ZNF7: variants seen among roughly 807,000 people sequenced by gnomAD.
The protein encoded by ZNF7 is zinc finger protein 7.
A neutral mutation model predicts 12.0 loss-of-function variants in ZNF7; 10 were observed. The observed-to-expected ratio is 0.83, with a 90% CI of 0.51 to 1.42. The LOEUF is 1.42. Among genes scored for constraint, ZNF7 ranks in the 40% most tolerant of loss-of-function variants. The pLI is 0.00. For missense variants in ZNF7, 854 were observed against 837.2 expected, an observed-to-expected ratio of 1.02 and a Z score of -0.25; for synonymous variants, 334 against 295.0, an observed-to-expected ratio of 1.13 and a Z score of -1.35.
rs752370306 is a variant in ZNF7, at chr8:144,842,621, C to G, written c.1514C>G (p.Ala505Gly). The G allele has an allele frequency of 1.9e-6, 3 of 1,614,186 alleles. No homozygotes were observed. The highest frequency in any genetic ancestry group is 1.7e-6 in the Non-Finnish European group (2 of 1,180,040). The change falls in exon 5 of 5, where the codon GCC becomes GGC. Residue 505 changes from alanine to glycine, a missense_variant. Physicochemically the swap from Ala to Gly is moderately conservative, Grantham distance 60 (BLOSUM62 0). Transcript: ENST00000532777. The part of the protein sequence containing the change: ...KPYVCNDCGK[A>G]FSQSSSLIYH... ...TATGTGTGTAATGACTGTGGAAAAG[C>G]CTTCAGTCAGAGTTCCAGCCTTATT... is the stretch of plus-strand genomic sequence containing the variant.
In ZNF7 at chr8:144,827,622, G is replaced by A. The variant is rs1827912942; in HGVS notation, c.-46+13G>A. ...GTCCTCAGGGAGGGTGAGTCGGCGC[G>A]GCGGGCGCGGACTCGGGTTGCCCTC... On this transcript the variant is annotated intron_variant, in intron 1 of 4. Transcript: ENST00000532777. 4 of 985,408 alleles carry A rather than the reference G, an allele frequency of 4.1e-6. No homozygotes were observed. The African/African-American group carries it at 7.0e-5, about 17-fold the overall frequency. The allele number at this position is 985,408 out of a possible 1,614,324, so 61.0% of individuals were successfully genotyped here.
intron 3 of ZNF7, 76 bp downstream of exon 3, chr8:144,829,680 G>T (rs1828208915): frequency 1.3e-6 from 2 of 1,525,056 alleles, no homozygotes; most frequent in Non-Finnish European, 1.8e-6. Context: ...ATCAGAGGCT[G>T]GGGTATGCAG....
Position 144,843,066 on chromosome 8 carries a change from G to A in ZNF7, c.1959G>A (p.Gln653=), listed in dbSNP as rs1248468133. 12 of 1,613,930 alleles carry A rather than the reference G, an allele frequency of 7.4e-6. No individual in the cohort carries two copies. Among genetic ancestry groups the A allele is most frequent in the Non-Finnish European group, 9.3e-6 (11 of 1,180,010 alleles). Residue 653 remains glutamine (Q), a synonymous_variant, in exon 5 of 5, where the codon CAG becomes CAA. Transcript: ENST00000532777. ...GGCGTTCACACCTAATTATACACCA[G>A]AGAATTCACACCGGGGAGAAGCCTT... ...FRWRSHLIIH[Q]RIHTGEKPYK... is the part of the protein sequence containing the mutation.
chr8:144,846,370 G>A (rs1474803088), downstream of ZNF7: 2 of 594,360 alleles, frequency 3.4e-6, no homozygotes, highest in Admixed American at 6.0e-5. Flanking sequence ...GAGAAAATAA[G>A]AGACTTGTGA....
At position 144,842,163 on chromosome 8, in the gene ZNF7, C is replaced by G; in HGVS notation, c.1056C>G (p.His352Gln). The G allele has an allele frequency of 1.2e-6, 2 of 1,613,560 alleles. No individual in the cohort carries two copies. The highest frequency in any genetic ancestry group is 2.2e-5 in the South Asian group (2 of 91,038). The change falls in exon 5 of 5, where the codon CAC becomes CAG. Residue 352 changes from histidine to glutamine, a missense_variant. His to Gln is a conservative substitution (Grantham distance 24). Transcript: ENST00000532777. ...AFSQQSQLVR[H>Q]QRTHTGERPY... Reference sequence around the variant, plus strand: ...GCCAGCAGTCGCAGCTGGTTAGACACCAGAGAACTCACACTGGGGAGAGGC... The same window carrying G: ...GCCAGCAGTCGCAGCTGGTTAGACAGCAGAGAACTCACACTGGGGAGAGGC...
chr8:144,846,146 A>C (rs1830501239), downstream of ZNF7: 1 of 1,536,124 alleles, frequency 6.5e-7, no homozygotes, highest in Non-Finnish European at 8.7e-7. Flanking sequence ...TCAGGACAGA[A>C]GGAGGGGAAC....
Position 144,843,454 on chromosome 8 carries a change from G to GGT in ZNF7, c.*287_*288insTG. 4.0e-6 allele frequency: 1 copy of GGT among 249,594 alleles called. No individual in the cohort carries two copies. The highest frequency in any genetic ancestry group is 9.1e-5 in the South Asian group (1 of 11,020). 15.5% of individuals were successfully genotyped at this position (249,594 alleles called of 1,614,324 possible). A position where few individuals can be genotyped will look rare whatever the true frequency, so the allele number is the denominator to read the frequency against. On this transcript the variant is annotated 3_prime_UTR_variant, in exon 5 of 5. Coordinates refer to ENST00000532777, the MANE Select transcript of ZNF7 (RefSeq NM_003416.4). ...ATACAAAAATTTAGCTGGGCGTGGTGGCAGGCACCTGTGGTCCCAGCTGCT... is the reference window on the plus strand; with the variant it reads ...ATACAAAAATTTAGCTGGGCGTGGTGGTGCAGGCACCTGTGGTCCCAGCTGCT...
downstream of ZNF7, among the ~76,000 whole-genome samples, chr8:144,844,426 A>G (rs1381661696): frequency 6.6e-6 from 1 of 151,948 alleles, no homozygotes; most frequent in African/African-American, 2.4e-5. Flanking sequence ...AAAGACGAAA[A>G]TGGGCCGGGC....
chr8:144,830,655 G>A (rs1246204111), intron 3 of ZNF7, among the ~76,000 whole-genome samples: 3 of 151,822 alleles, frequency 2.0e-5, no homozygotes, highest in African/African-American at 7.3e-5. Flanking sequence ...TTTTTAAAGA[G>A]CCCTCTTAGA....
chr8:144,837,151 T>C, intron 3 of ZNF7: 1 of 359,744 alleles, frequency 2.8e-6, no homozygotes, highest in Non-Finnish European at 5.1e-6. Context: ...CAGGGTCGCC[T>C]GGAGATTGTG....
In ZNF7 at chr8:144,841,841, A is replaced by G. The variant is rs1374551208; in HGVS notation, c.734A>G (p.His245Arg). 1.2e-6 allele frequency: 2 copies of G among 1,614,200 alleles called. No individual in the cohort carries two copies. Among genetic ancestry groups the G allele is most frequent in the Non-Finnish European group, 1.7e-6 (2 of 1,180,040 alleles). Residue 245 changes from histidine (H) to arginine (R), a missense_variant, in exon 5 of 5, where the codon CAT (histidine) becomes CGT (arginine). Transcript: ENST00000532777. The part of the protein sequence containing the change: ...CLQGKHTNNC[H>R]GEKPYECAEC... ...CAGGGGAAACATACAAATAACTGCC[A>G]TGGAGAGAAGCCGTACGAATGTGCA...
In ZNF7 at chr8:144,841,609, C is replaced by T. The variant is rs566967274; in HGVS notation, c.502C>T (p.Pro168Ser). 12 of 1,614,056 alleles carry T rather than the reference C, an allele frequency of 7.4e-6. No homozygotes were observed. Among genetic ancestry groups the T allele is most frequent in the Middle Eastern group, 1.6e-4 (1 of 6,084 alleles). Residue 168 changes from proline (P) to serine (S), a missense_variant, in exon 5 of 5, where the codon CCC becomes TCC. Physicochemically the swap from Pro to Ser is moderately conservative, Grantham distance 74. Coordinates refer to ENST00000532777, the MANE Select transcript of ZNF7 (RefSeq NM_003416.4). ...TCCCAAGACCTTCACCAAGGACGCA[C>T]CCCAGGGATGTAAGGAGCTGGGAAG... ...VVPKTFTKDA[P>S]QGCKELGSSG...
intron 4 of ZNF7, chr8:144,841,117 C>T (rs1829848815): frequency 2.0e-6 from 1 of 507,944 alleles, no homozygotes; most frequent in Non-Finnish European, 3.5e-6. Context: ...TCACAGAACC[C>T]AGCCCTGCCC....
chr8:144,837,253 C>T (rs1205953290), intron 3 of ZNF7, 138 bp from the exon 4 acceptor site: 1 of 634,866 alleles, frequency 1.6e-6, no homozygotes. Context: ...CCACCCTCCA[C>T]CCACTCTCCC....
At position 144,842,849 on chromosome 8, in the gene ZNF7, A is replaced by G; in HGVS notation, c.1742A>G (p.Tyr581Cys). The G allele has an allele frequency of 1.2e-5, 19 of 1,614,220 alleles. No homozygotes were observed. Among genetic ancestry groups the G allele is most frequent in the Non-Finnish European group, 1.6e-5 (19 of 1,180,040 alleles). ...HQIIHAGVKP[Y>C]ECSECGKAFS... ...ATAATTCATGCAGGGGTGAAGCCCT[A>G]TGAGTGCAGTGAGTGTGGAAAAGCC... The change falls in exon 5 of 5, where the codon TAT (tyrosine) becomes TGT (cysteine). Residue 581 changes from tyrosine (Y) to cysteine (C), a missense_variant. Coordinates refer to ENST00000532777, the MANE Select transcript of ZNF7 (RefSeq NM_003416.4).
chr8:144,830,728 C>CTT (rs756859185), intron 3 of ZNF7, among the ~76,000 whole-genome samples: 3,582 of 138,998 alleles, frequency 0.026, 152 homozygotes, highest in African/African-American at 0.088. Context: ...AGTGAGGGTC[C>CTT]TTTTTTTTTT....
intron 4 of ZNF7, 126 bp from the exon 5 acceptor site, chr8:144,841,229 A>AC: frequency 1.0e-6 from 1 of 954,896 alleles, no homozygotes; most frequent in Non-Finnish European, 1.6e-6. Context: ...GCACGTTTCC[A>AC]CCTGGGGCCT....
rs2130732462 is a variant in ZNF7 at position 144,843,303 on chromosome 8, C to T, written c.*135C>T. The T allele has an allele frequency of 1.7e-6, 2 of 1,161,664 alleles. No individual in the cohort carries two copies. Among genetic ancestry groups the T allele is most frequent in the African/African-American group, 3.1e-5 (2 of 64,366 alleles). The allele number at this position is 1,161,664 out of a possible 1,614,324, so 72.0% of individuals were successfully genotyped here. A position where few individuals can be genotyped will look rare whatever the true frequency, so the allele number is the denominator to read the frequency against. On this transcript the variant is annotated 3_prime_UTR_variant, in exon 5 of 5. Transcript: ENST00000532777. ...CAGAATTGCTCTCAAGAATATCCAA[C>T]TTCAGGCCGAGTGTGGTGGCTTATG...
Position 144,842,881 on chromosome 8 carries a change from C to T in ZNF7, c.1774C>T (p.Arg592Trp), listed in dbSNP as rs201092530. The T allele has an allele frequency of 1.5e-5, 25 of 1,614,080 alleles. No homozygotes were observed. The highest frequency in any genetic ancestry group is 2.2e-5 in the South Asian group (2 of 91,086). The change falls in exon 5 of 5, where the codon CGG (arginine) becomes TGG (tryptophan). Residue 592 changes from arginine to tryptophan, a missense_variant. Coordinates refer to ENST00000532777, the MANE Select transcript of ZNF7 (RefSeq NM_003416.4). ...ECSECGKAFS[R>W]SSYLIEHQRI... Reference sequence around the variant, plus strand: ...CAGTGAGTGTGGAAAAGCCTTCAGCCGGAGCTCATATCTTATTGAACACCA... The same window carrying T: ...CAGTGAGTGTGGAAAAGCCTTCAGCTGGAGCTCATATCTTATTGAACACCA...
Sources: allele counts gnomAD v4.1 joint callset (sites outside exome capture counted in the v4.1 genomes callset), GRCh38; gene constraint gnomAD v4.1.1; transcripts MANE v1.5; gene names NCBI Gene and HGNC (gene_info 2026-07-23, HGNC 2026-07-21).